PKN2: variants seen among roughly 807,000 people sequenced by gnomAD.
The protein encoded by PKN2 is protein kinase N2, also known as serine/threonine-protein kinase N2.
PKN2 carries 38 observed loss-of-function variants against 119.1 expected under a neutral mutation model. The ratio of observed to expected loss-of-function variants is 0.32; its 90% confidence interval spans 0.25 to 0.42. The LOEUF (loss-of-function observed/expected upper bound fraction) is 0.42, where lower values mean the gene tolerates loss of function less well. PKN2 is among the 10% of genes least tolerant of loss of function. The probability of loss-of-function intolerance (pLI) is 1.00; values close to 1 mark genes in which losing one functional copy is unlikely to be tolerated. For missense variants in PKN2, 850 were observed against 1,165.1 expected (o/e 0.73, Z 3.94); for synonymous variants, 390 against 384.9 (o/e 1.01, Z -0.15).
At chr1:88,716,178 TC>T (rs1667441634) in intron 1 of PKN2, among the ~76,000 whole-genome samples, 1 of 152,224 alleles carries the variant, frequency 6.6e-6, no homozygotes, top group Non-Finnish European at 1.5e-5. Flanking sequence ...TGATTTCTTT[TC>T]TTTTACATTT....
At chr1:88,732,484 G>A (rs1035628146) in intron 1 of PKN2, among the ~76,000 whole-genome samples, 2 of 151,986 alleles carry the variant, frequency 1.3e-5, no homozygotes, top group Admixed American at 6.5e-5. Context: ...TTCTTTATTC[G>A]CTAGCTGACT....
intron 1 of PKN2, chr1:88,685,284 C>T (rs761298161): frequency 1.3e-5 from 2 of 149,470 alleles, no homozygotes; most frequent in Non-Finnish European, 3.0e-5. Context: ...GTGATAAATA[C>T]AGGGTGCCTT....
chr1:88,687,283 A>G (rs948307446), intron 1 of PKN2, among the ~76,000 whole-genome samples: 1 of 152,170 alleles, frequency 6.6e-6, no homozygotes, highest in African/African-American at 2.4e-5. Flanking sequence ...TTAATAAACT[A>G]TGTAAACTTT....
At chr1:88,812,165 A>C (rs569433477) in intron 15 of PKN2, among the ~76,000 whole-genome samples, 1 of 152,280 alleles carries the variant, frequency 6.6e-6, no homozygotes, top group East Asian at 1.9e-4. Context: ...AAAATGCATA[A>C]AATTAAAATT....
intron 1 of PKN2, among the ~76,000 whole-genome samples, chr1:88,708,946 C>G (rs933044778): frequency 9.3e-5 from 14 of 151,004 alleles, no homozygotes; most frequent in Non-Finnish European, 1.8e-4. Flanking sequence ...TTCTTTTCTC[C>G]CAGTTGTATT....
chr1:88,814,456 T>C (rs1269563868), intron 16 of PKN2, among the ~76,000 whole-genome samples: 1 of 152,176 alleles, frequency 6.6e-6, no homozygotes, highest in African/African-American at 2.4e-5. Flanking sequence ...ACCTACACCC[T>C]GCATGCTGGT....
chr1:88,800,006 G>T (rs1671243193), intron 8 of PKN2, among the ~76,000 whole-genome samples: 1 of 152,082 alleles, frequency 6.6e-6, no homozygotes, highest in South Asian at 2.1e-4. Flanking sequence ...GAATTTTCCA[G>T]GTATTGAGTT....
At chr1:88,798,779 C>T (rs1464637768) in intron 8 of PKN2, among the ~76,000 whole-genome samples, 2 of 152,126 alleles carry the variant, frequency 1.3e-5, no homozygotes, top group Admixed American at 1.3e-4. Context: ...CCAGTAACTT[C>T]CAGAATGATG....
chr1:88,702,920 T>C (rs963222288), intron 1 of PKN2, among the ~76,000 whole-genome samples: 2 of 152,188 alleles, frequency 1.3e-5, no homozygotes, highest in African/African-American at 4.8e-5. Context: ...GGGAAGTCTT[T>C]AGCTAATGAT....
At chr1:88,764,871 A>G (rs960173630) in intron 3 of PKN2, among the ~76,000 whole-genome samples, 1 of 152,056 alleles carries the variant, frequency 6.6e-6, no homozygotes, top group Non-Finnish European at 1.5e-5. Context: ...TGGGGGCTTG[A>G]TAAGACATGT....
At chr1:88,793,073 A>T (rs1670911201) in intron 8 of PKN2, among the ~76,000 whole-genome samples, 1 of 152,156 alleles carries the variant, frequency 6.6e-6, no homozygotes, top group Admixed American at 6.5e-5. Flanking sequence ...CCATAAGAGC[A>T]TTAGGAGGTG....
At chr1:88,723,933 C>T (rs972744594) in intron 1 of PKN2, among the ~76,000 whole-genome samples, 2 of 151,956 alleles carry the variant, frequency 1.3e-5, no homozygotes, top group Non-Finnish European at 2.9e-5. Context: ...AATATTGAGA[C>T]GTAGGCATTT....
intron 15 of PKN2, among the ~76,000 whole-genome samples, chr1:88,808,205 T>C (rs936178539): frequency 1.3e-5 from 2 of 152,212 alleles, no homozygotes; most frequent in Non-Finnish European, 2.9e-5. Context: ...ATCTTATTTT[T>C]TTCCTTTTAT....
At chr1:88,811,155 A>G (rs1200143723) in intron 15 of PKN2, among the ~76,000 whole-genome samples, 1 of 152,190 alleles carries the variant, frequency 6.6e-6, no homozygotes, top group Non-Finnish European at 1.5e-5. Flanking sequence ...GTTGCTGAGT[A>G]AGGATATTAT....
intron 2 of PKN2, among the ~76,000 whole-genome samples, chr1:88,745,057 A>T (rs1225448392): frequency 6.6e-6 from 1 of 152,234 alleles, no homozygotes; most frequent in Non-Finnish European, 1.5e-5. Flanking sequence ...AAGAAAATTC[A>T]ACATTTTTTC....
At chr1:88,700,848 G>C (rs1296274932) in intron 1 of PKN2, among the ~76,000 whole-genome samples, 2 of 152,180 alleles carry the variant, frequency 1.3e-5, no homozygotes, top group Non-Finnish European at 2.9e-5. Flanking sequence ...AATGTTTGTT[G>C]AGTAAATAAC....
Position 88,684,535 on chromosome 1 carries a change from C to G in PKN2, c.-46C>G. On this transcript the variant is annotated 5_prime_UTR_variant, in exon 1 of 22. Coordinates refer to ENST00000370521, the MANE Select transcript of PKN2 (RefSeq NM_006256.4). ...CGAGCCCCGTCCCGCCTTCTCCCTT[C>G]GCCAGAGGCGGCCGCGTCCAGGTGC... 1 of 1,513,400 alleles carries G rather than the reference C, an allele frequency of 6.6e-7. No homozygotes were observed. Among genetic ancestry groups the G allele is most frequent in the Non-Finnish European group, 8.9e-7 (1 of 1,125,278 alleles). 93.7% of individuals were successfully genotyped at this position (1,513,400 alleles called of 1,614,324 possible). A position where few individuals can be genotyped will look rare whatever the true frequency, so the allele number is the denominator to read the frequency against.
At chr1:88,748,847 A>G (rs2100759482) in intron 2 of PKN2, among the ~76,000 whole-genome samples, 1 of 152,214 alleles carries the variant, frequency 6.6e-6, no homozygotes, top group Non-Finnish European at 1.5e-5. Context: ...AGGTGGGAGT[A>G]TTACTTGAGC....
At chr1:88,706,127 G>A (rs1049985233) in intron 1 of PKN2, among the ~76,000 whole-genome samples, 1 of 152,094 alleles carries the variant, frequency 6.6e-6, no homozygotes, top group Non-Finnish European at 1.5e-5. Context: ...GATAAACAAA[G>A]TATGTCTTTC....
Sources: gnomAD v4.1 joint callset for allele counts (sites outside exome capture counted in the v4.1 genomes callset) on GRCh38, gnomAD v4.1.1 for gene constraint, MANE v1.5 for transcripts, NCBI Gene and HGNC (gene_info 2026-07-23, HGNC 2026-07-21) for gene names.